PRPS1: variants seen among roughly 807,000 people sequenced by gnomAD.
PRPS1 encodes phosphoribosyl pyrophosphate synthetase 1, also known as ribose-phosphate pyrophosphokinase 1.
PRPS1 carries 1 observed loss-of-function variant against 16.9 expected under a neutral mutation model. The ratio of observed to expected loss-of-function variants is 0.06; its 90% confidence interval spans 0.02 to 0.28. PRPS1 has a LOEUF of 0.28. Among genes scored for constraint, PRPS1 ranks in the 10% least tolerant of loss-of-function variants. The pLI is 1.00. For missense variants in PRPS1, 47 were observed against 254.0 expected, an observed-to-expected ratio of 0.19 and a Z score of 5.54; for synonymous variants, 70 against 90.2, an observed-to-expected ratio of 0.78 and a Z score of 1.27.
At chrX:107,643,921 C>A (rs1925631703) in intron 4 of PRPS1, among the ~76,000 whole-genome samples, 1 of 111,562 alleles carries the variant, frequency 9.0e-6, no homozygotes, top group African/African-American at 3.3e-5. Flanking sequence ...ACTTATCCAG[C>A]AAAAACTCAT....
intron 6 of PRPS1, 133 bp from the exon 7 acceptor site, chrX:107,649,807 A>T (rs1320722280): frequency 4.5e-6 from 5 of 1,114,606 alleles, no homozygotes; most frequent in Non-Finnish European, 6.1e-6. Context: ...GTGCAGCCTC[A>T]TGACAGGGAA....
intron 2 of PRPS1, among the ~76,000 whole-genome samples, chrX:107,640,378 C>T (rs928805802): frequency 9.3e-6 from 1 of 107,329 alleles, no homozygotes; most frequent in Admixed American, 9.9e-5. Context: ...CATGCATGGA[C>T]TTTGCTATTT....
chrX:107,637,455 A>G (rs746439481), intron 1 of PRPS1, among the ~76,000 whole-genome samples: 29 of 111,504 alleles, frequency 2.6e-4, no homozygotes, highest in African/African-American at 8.8e-4. Flanking sequence ...TTCACTCCTT[A>G]TGATATTTCT....
At chrX:107,643,947 A>T (rs1925632456) in intron 4 of PRPS1, among the ~76,000 whole-genome samples, 2 of 111,822 alleles carry the variant, frequency 1.8e-5, no homozygotes, top group South Asian at 7.5e-4. Flanking sequence ...CATAGTCACA[A>T]GAGAAACAGG....
intron 6 of PRPS1, 44 bp downstream of exon 6, chrX:107,647,809 AGGAGGT>A: frequency 1.7e-6 from 2 of 1,179,475 alleles, no homozygotes; most frequent in Non-Finnish European, 2.3e-6. Flanking sequence ...CTAAGTGTTT[AGGAGGT>A]GGTTACTTAC....
chrX:107,637,948 A>ATT (rs1302423557), intron 1 of PRPS1, among the ~76,000 whole-genome samples: 55 of 103,620 alleles, frequency 5.3e-4, no homozygotes, highest in African/African-American at 7.1e-4. Flanking sequence ...ATATATATAT[A>ATT]TATTTTTTTG....
intron 4 of PRPS1, among the ~76,000 whole-genome samples, 162 bp from the exon 5 acceptor site, chrX:107,645,015 T>C (rs947002869): frequency 1.8e-5 from 2 of 111,418 alleles, no homozygotes; most frequent in Admixed American, 9.6e-5. Flanking sequence ...GGGGTTTCAC[T>C]GTGTTAGCCA....
At chrX:107,631,424 A>C (rs1160083635) in intron 1 of PRPS1, among the ~76,000 whole-genome samples, 1 of 111,471 alleles carries the variant, frequency 9.0e-6, no homozygotes, top group Non-Finnish European at 1.9e-5. Context: ...ATATAGTCTT[A>C]CCTTATGGTT....
chrX:107,641,641 A>G (rs2147682748), intron 3 of PRPS1, among the ~76,000 whole-genome samples: 1 of 111,963 alleles, frequency 8.9e-6, no homozygotes, highest in African/African-American at 3.2e-5. Context: ...TACAAGCATG[A>G]GCCACCGTGC....
rs765582060 is a variant in PRPS1, at chrX:107,642,497, T to C, written c.530+7T>C. 8.3e-7 allele frequency: 1 copy of C among 1,211,058 alleles called. No homozygotes were observed. The highest frequency in any genetic ancestry group is 1.8e-5 in the South Asian group (1 of 56,998). Reference sequence around the variant, plus strand: ...ATGCTGGTGGAGCTAAGAGGTATGGTTGAAATTAGTATTGTTCCCAATGTA... The same window carrying C: ...ATGCTGGTGGAGCTAAGAGGTATGGCTGAAATTAGTATTGTTCCCAATGTA... On this transcript the variant is annotated splice_region_variant and intron_variant, in intron 4 of 6. Coordinates refer to ENST00000372435, the MANE Select transcript of PRPS1 (RefSeq NM_002764.4).
At chrX:107,629,418 C>T (rs969904286) in intron 1 of PRPS1, among the ~76,000 whole-genome samples, 1 of 111,709 alleles carries the variant, frequency 9.0e-6, no homozygotes, top group African/African-American at 3.3e-5. Context: ...CCTTGATAGC[C>T]AGCATCTCAG....
chrX:107,638,234 C>T (rs1449399851), intron 1 of PRPS1, among the ~76,000 whole-genome samples: 3 of 111,213 alleles, frequency 2.7e-5, no homozygotes, highest in East Asian at 2.8e-4. Context: ...CTCAACCTCC[C>T]GAGTAGCTGG....
intron 4 of PRPS1, among the ~76,000 whole-genome samples, chrX:107,643,834 G>T (rs893801107): frequency 9.0e-6 from 1 of 111,449 alleles, no homozygotes; most frequent in Non-Finnish European, 1.9e-5. Flanking sequence ...GAGAGTACAG[G>T]GTATGGTTGG....
Position 107,650,032 on chromosome X carries a change from A to ATAGAG in PRPS1, c.*3_*7dup. On this transcript the variant is annotated 3_prime_UTR_variant, in exon 7 of 7. Coordinates refer to ENST00000372435, the MANE Select transcript of PRPS1 (RefSeq NM_002764.4). The stretch of plus-strand genomic sequence containing the variant: ...ACCTATTCAGCCATGTCCCTTTATA[A>ATAGAG]TAGAGTAACTTCTGAGGCTTTTTGA... The ATAGAG allele has an allele frequency of 8.3e-7, 1 of 1,211,710 alleles. No individual in the cohort carries two copies. Among genetic ancestry groups the ATAGAG allele is most frequent in the East Asian group, 3.0e-5 (1 of 33,836 alleles).
chrX:107,637,407 C>A (rs1925465528), intron 1 of PRPS1, among the ~76,000 whole-genome samples: 1 of 111,224 alleles, frequency 9.0e-6, no homozygotes, highest in Admixed American at 9.6e-5. Flanking sequence ...AGAGGTGGTA[C>A]TGTCTTTTGT....
intron 2 of PRPS1, among the ~76,000 whole-genome samples, chrX:107,639,701 T>C (rs1925528657): frequency 8.9e-6 from 1 of 112,031 alleles, no homozygotes; most frequent in Admixed American, 9.5e-5. Flanking sequence ...TAACTTTCAG[T>C]TAGCTCACTG....
chrX:107,638,922 A>G (rs991754877), intron 1 of PRPS1, among the ~76,000 whole-genome samples: 1 of 110,072 alleles, frequency 9.1e-6, no homozygotes, highest in Non-Finnish European at 1.9e-5. Flanking sequence ...TAGTAGAGAT[A>G]CATGGTTTCG....
intron 4 of PRPS1, among the ~76,000 whole-genome samples, chrX:107,644,583 A>G (rs1395168344): frequency 8.9e-6 from 1 of 112,000 alleles, no homozygotes; most frequent in African/African-American, 3.2e-5. Flanking sequence ...GCTTCCCAGT[A>G]CTGGTGAGGG....
In PRPS1 at chrX:107,644,709, G is replaced by C. The variant is rs188475755; in HGVS notation, c.531-468G>C. On this transcript the variant is annotated intron_variant, in intron 4 of 6. Transcript: ENST00000372435. ...AACCCAGTTTGTGATATTTGCCTTT[G>C]AGAAGTCAATGATAGTTGCTTTCAT... 4.5e-5 allele frequency among the ~76,000 whole-genome samples: 5 copies of C among 112,175 alleles called. No individual in the cohort carries two copies. In the Admixed American group the frequency reaches 4.7e-4, roughly 11 times the overall value.
Sources: allele counts gnomAD v4.1 joint callset (sites outside exome capture counted in the v4.1 genomes callset), GRCh38; gene constraint gnomAD v4.1.1; transcripts MANE v1.5; gene names NCBI Gene and HGNC (gene_info 2026-07-23, HGNC 2026-07-21).